Variants in RPL17 observed in about 807,000 individuals in gnomAD.
RPL17 encodes large ribosomal subunit protein uL22.
A neutral mutation model predicts 27.7 loss-of-function variants in RPL17; 2 were observed. The ratio of observed to expected loss-of-function variants is 0.07; its 90% confidence interval spans 0.03 to 0.23. The LOEUF (loss-of-function observed/expected upper bound fraction) is 0.23. RPL17 is among the 10% of genes least tolerant of loss of function. The probability of loss-of-function intolerance (pLI) is 1.00; values close to 1 mark genes in which losing one functional copy is unlikely to be tolerated. For missense variants in RPL17, 141 were observed against 238.8 expected, an observed-to-expected ratio of 0.59 and a Z score of 2.70; for synonymous variants, 76 against 75.5, an observed-to-expected ratio of 1.01 and a Z score of -0.03.
At chr18:49,491,063 T>G (rs1399620041) in intron 3 of RPL17, 136 bp from the exon 4 acceptor site, 1 of 1,417,142 alleles carries the variant, frequency 7.1e-7, no homozygotes, top group Non-Finnish European at 9.5e-7. Context: ...TTAAAAAAAC[T>G]TGTGACTAAA....
Position 49,490,445 on chromosome 18 carries a change from T to C in RPL17, c.315+9A>G, listed in dbSNP as rs2083979828. ...CCCAAGTTGCACAGGATGTTAGTGG[T>C]TTGGGTACCTTAAGTTCAGCATTAC... On this transcript the variant is annotated intron_variant, in intron 5 of 6. Coordinates refer to ENST00000580261, the MANE Select transcript of RPL17 (RefSeq NM_001035006.5). The C allele has an allele frequency of 1.2e-6, 2 of 1,613,808 alleles. No individual in the cohort carries two copies. The highest frequency in any genetic ancestry group is 1.7e-4 in the Middle Eastern group (1 of 6,056).
At chr18:49,491,283 G>A in intron 3 of RPL17, 122 bp downstream of exon 3, 1 of 1,444,556 alleles carries the variant, frequency 6.9e-7, no homozygotes, top group Non-Finnish European at 9.7e-7. Flanking sequence ...ATATAAGGTG[G>A]CTGCTCAGAA....
intron 5 of RPL17, among the ~76,000 whole-genome samples, chr18:49,489,890 T>C (rs570899642): frequency 1.3e-5 from 2 of 152,326 alleles, no homozygotes; most frequent in African/African-American, 4.8e-5. Flanking sequence ...CTTAGAAGGT[T>C]TGGAGCCATA....
chr18:49,490,426 T>C (rs771156548), intron 5 of RPL17, 28 bp downstream of exon 5: 4 of 1,609,440 alleles, frequency 2.5e-6, no homozygotes, highest in Non-Finnish European at 3.4e-6. Context: ...ACCACCCAAG[T>C]TGCACAGGAT....
chr18:49,491,760 C>T (rs773385206), intron 1 of RPL17, 176 bp from the exon 2 acceptor site: 3 of 858,654 alleles, frequency 3.5e-6, no homozygotes, highest in East Asian at 2.4e-5. Flanking sequence ...GGCTTGCTTT[C>T]CCTTTTATCT....
chr18:49,489,728 C>T (rs1333680328), intron 5 of RPL17, among the ~76,000 whole-genome samples, 178 bp from the exon 6 acceptor site: 1 of 152,186 alleles, frequency 6.6e-6, no homozygotes, highest in Non-Finnish European at 1.5e-5. Context: ...AGTTGTCTGC[C>T]TTCACCTTTA....
rs1270343460 is a variant in RPL17, at chr18:49,490,501, A to C, written c.268T>G (p.Phe90Val). 1.2e-6 allele frequency: 2 copies of C among 1,613,970 alleles called. No individual in the cohort carries two copies. The highest frequency in any genetic ancestry group is 1.7e-6 in the Non-Finnish European group (2 of 1,179,896). Residue 90 changes from phenylalanine (F) to valine (V), a missense_variant, in exon 5 of 7, where the codon TTT becomes GTT. By Grantham distance (50) the Phe-to-Val change is conservative. Transcript: ENST00000580261. ...QGRWPKKSAE[F>V]LLHMLKNAES... Reference sequence around the variant, plus strand: ...GCGTTTTTAAGCATGTGCAGCAAAAATTCAGCACTCTTTTTGGGCCACCGA... The same window carrying C: ...GCGTTTTTAAGCATGTGCAGCAAAACTTCAGCACTCTTTTTGGGCCACCGA...
At position 49,490,855 on chromosome 18, in the gene RPL17, T is replaced by C; in HGVS notation, c.154A>G (p.Thr52Ala). 3 of 1,613,528 alleles carry C rather than the reference T, an allele frequency of 1.9e-6. No homozygotes were observed. The highest frequency in any genetic ancestry group is 2.5e-6 in the Non-Finnish European group (3 of 1,179,908). The change falls in exon 4 of 7, where the codon ACT becomes GCT. Residue 52 changes from threonine (T) to alanine (A), a missense_variant. Transcript: ENST00000580261. ...AATGGTACACACTGTTTCTGTAAAG[T>C]GACATCTTTCAGATACTTCGTGGCT... ...RKATKYLKDV[T>A]LQKQCVPFRR...
intron 1 of RPL17, 34 bp from the exon 2 acceptor site, chr18:49,491,618 G>A (rs371793698): frequency 1.2e-6 from 2 of 1,606,600 alleles, no homozygotes; most frequent in Non-Finnish European, 1.7e-6. Flanking sequence ...CTGTCAATAC[G>A]TACTTACAGT....
intron 1 of RPL17, 165 bp from the exon 2 acceptor site, chr18:49,491,749 G>C (rs1385610593): frequency 3.2e-6 from 3 of 938,496 alleles, no homozygotes; most frequent in Non-Finnish European, 1.7e-6. Context: ...CCCCCACCAA[G>C]GGCTTGCTTT....
chr18:49,489,289 T>A, intron 6 of RPL17, 70 bp downstream of exon 6: 1 of 1,542,668 alleles, frequency 6.5e-7, no homozygotes, highest in Non-Finnish European at 8.9e-7. Flanking sequence ...AAAGGTGTCC[T>A]AAGATAGTCA....
In RPL17 at chr18:49,489,371, G is replaced by A. The variant is rs776731195; in HGVS notation, c.495C>T (p.Ala165=). 6.2e-7 allele frequency: 1 copy of A among 1,613,328 alleles called. No homozygotes were observed. Among genetic ancestry groups the A allele is most frequent in the Non-Finnish European group, 8.5e-7 (1 of 1,179,774 alleles). The change falls in exon 6 of 7, where the codon GCC becomes GCT. Residue 165 remains alanine (A), a synonymous_variant. Transcript: ENST00000580261. ...QIVPKPEEEV[A]QKKKISQKKL... Reference sequence around the variant, plus strand: ...ACTACTTATTTACCTTTTTCTTCTGGGCAACCTCCTCTTCTGGTTTAGGAA... The same window carrying A: ...ACTACTTATTTACCTTTTTCTTCTGAGCAACCTCCTCTTCTGGTTTAGGAA...
intron 6 of RPL17, 162 bp downstream of exon 6, chr18:49,489,197 T>A: frequency 1.4e-6 from 1 of 698,328 alleles, no homozygotes; most frequent in East Asian, 2.8e-5. Context: ...CCATTTATTA[T>A]TAGTCAAGAA....
intron 5 of RPL17, 159 bp downstream of exon 5, chr18:49,490,290 AAAAAT>A: frequency 2.5e-6 from 2 of 788,978 alleles, no homozygotes; most frequent in Non-Finnish European, 3.9e-6. Context: ...GGGACTCAAA[AAAAAT>A]AAAAGGAAAT....
intron 3 of RPL17, 162 bp downstream of exon 3, chr18:49,491,243 C>T (rs1228290768): frequency 8.4e-7 from 1 of 1,184,938 alleles, no homozygotes; most frequent in African/African-American, 1.5e-5. Context: ...ACAAACGCTA[C>T]ATCCTTACAC....
At chr18:49,491,232 C>T in intron 3 of RPL17, 173 bp downstream of exon 3, 6 of 1,135,030 alleles carry the variant, frequency 5.3e-6, no homozygotes, top group Admixed American at 1.7e-5. Context: ...TTCTCAATTT[C>T]ACAAACGCTA....
chr18:49,492,061 G>C, intron 1 of RPL17: 1 of 256,068 alleles, frequency 3.9e-6, no homozygotes, highest in Non-Finnish European at 7.9e-6. Flanking sequence ...CACTCTTGTA[G>C]TAACGTGTTA....
rs1361832066 is a variant in RPL17, at chr18:49,492,465, T to G, written c.-21A>C. ...CGCAGGAGAAACACTCACCTCAGGC[T>G]GCTTAGGGAAAGAGGAAGAGCGGTG... On this transcript the variant is annotated 5_prime_UTR_variant, in exon 1 of 7. Coordinates refer to ENST00000580261, the MANE Select transcript of RPL17 (RefSeq NM_001035006.5). 6.6e-6 allele frequency: 1 copy of G among 152,238 alleles called. No homozygotes were observed. Among genetic ancestry groups the G allele is most frequent in the Non-Finnish European group, 1.5e-5 (1 of 68,064 alleles). The allele number at this position is 152,238 out of a possible 1,614,324, so 9.4% of individuals were successfully genotyped here.
intron 5 of RPL17, among the ~76,000 whole-genome samples, chr18:49,489,775 A>G (rs2083920982): frequency 6.6e-6 from 1 of 152,156 alleles, no homozygotes. Context: ...TGTGCTATAC[A>G]TTTTGTCTAT....
Sources: gnomAD v4.1 joint callset for allele counts (sites outside exome capture counted in the v4.1 genomes callset) on GRCh38, gnomAD v4.1.1 for gene constraint, MANE v1.5 for transcripts, NCBI Gene and HGNC (gene_info 2026-07-23, HGNC 2026-07-21) for gene names.